GOLGA5: variants seen among roughly 807,000 people sequenced by gnomAD.
The protein encoded by GOLGA5 is golgin subfamily A member 5.
In GOLGA5, 50 loss-of-function variants were observed where a neutral mutation model predicts 93.5. The observed-to-expected ratio is 0.53, with a 90% CI of 0.43 to 0.68. The LOEUF is 0.68. Among genes scored for constraint, GOLGA5 ranks in the 30% least tolerant of loss-of-function variants. GOLGA5 has a pLI of 0.00. For missense variants in GOLGA5, 760 were observed against 856.4 expected, an observed-to-expected ratio of 0.89 and a Z score of 1.40; for synonymous variants, 312 against 304.5, an observed-to-expected ratio of 1.02 and a Z score of -0.26.
At chr14:92,831,209 T>C (rs1364205721) in intron 9 of GOLGA5, among the ~76,000 whole-genome samples, 3 of 152,204 alleles carry the variant, frequency 2.0e-5, no homozygotes, top group Non-Finnish European at 4.4e-5. Context: ...AACTGGCTGT[T>C]TCTGATAAGG....
intron 9 of GOLGA5, among the ~76,000 whole-genome samples, chr14:92,831,933 T>G (rs1266625719): frequency 6.6e-6 from 1 of 152,212 alleles, no homozygotes; most frequent in African/African-American, 2.4e-5. Flanking sequence ...ATTTAATAGC[T>G]TTCCCAAGAT....
chr14:92,827,294 A>G (rs762799080), intron 9 of GOLGA5, among the ~76,000 whole-genome samples: 8 of 152,222 alleles, frequency 5.3e-5, no homozygotes, highest in Non-Finnish European at 8.8e-5. Context: ...TTCCAACAGC[A>G]TATGCTCACT....
rs535886370 is a variant in GOLGA5 at position 92,839,874 on chromosome 14, T to C, written c.*428T>C. ...TCATATATTTAACTTTGCAAAAAGA[T>C]TTACTTTGTACATGTTACAGGCTTG... is the stretch of plus-strand genomic sequence containing the variant. On this transcript the variant is annotated 3_prime_UTR_variant, in exon 13 of 13. Coordinates refer to ENST00000163416, the MANE Select transcript of GOLGA5 (RefSeq NM_005113.4). 4 of 187,776 alleles carry C rather than the reference T, an allele frequency of 2.1e-5. No homozygotes were observed. In the East Asian group the frequency reaches 2.7e-4, roughly 13 times the overall value. 11.6% of individuals were successfully genotyped at this position (187,776 alleles called of 1,614,324 possible). A position where few individuals can be genotyped will look rare whatever the true frequency, so the allele number is the denominator to read the frequency against.
chr14:92,829,431 A>G (rs958968278), intron 9 of GOLGA5, among the ~76,000 whole-genome samples: 30 of 152,134 alleles, frequency 2.0e-4, no homozygotes, highest in African/African-American at 7.0e-4. Context: ...CAACATTAAC[A>G]GGAGTGTGGA....
At chr14:92,834,763 C>G (rs1885605111) in intron 10 of GOLGA5, among the ~76,000 whole-genome samples, 1 of 152,160 alleles carries the variant, frequency 6.6e-6, no homozygotes, top group Non-Finnish European at 1.5e-5. Context: ...TGACTTGCAC[C>G]TTAATAGGCT....
intron 9 of GOLGA5, among the ~76,000 whole-genome samples, chr14:92,829,656 C>T (rs554569106): frequency 6.6e-6 from 1 of 152,270 alleles, no homozygotes; most frequent in South Asian, 2.1e-4. Flanking sequence ...AGATGGAATC[C>T]ACTTTTGGTG....
intron 12 of GOLGA5, among the ~76,000 whole-genome samples, 168 bp from the exon 13 acceptor site, chr14:92,839,198 A>G (rs556908873): frequency 1.6e-4 from 25 of 152,194 alleles, no homozygotes; most frequent in Non-Finnish European, 2.8e-4. Context: ...GCAAGTCTTT[A>G]TTACCTTCCA....
chr14:92,800,231 A>C (rs929117442), intron 2 of GOLGA5, among the ~76,000 whole-genome samples: 3 of 152,250 alleles, frequency 2.0e-5, no homozygotes, highest in Admixed American at 1.3e-4. Flanking sequence ...TAAATGTAGC[A>C]ATTAAGTATG....
At position 92,811,838 on chromosome 14, in the gene GOLGA5, G is replaced by A. The variant is rs566671736; in HGVS notation, c.1320+84G>A. ...TTGAGACTGTGTAGATACTGTGTGA[G>A]GTGCTTTGTTCATGTTCGTCTGATT... On this transcript the variant is annotated intron_variant, in intron 6 of 12. Transcript: ENST00000163416. 114 of 975,030 alleles carry A rather than the reference G, an allele frequency of 1.2e-4. No individual in the cohort carries two copies. The African/African-American group carries it at 1.6e-3, about 14-fold the overall frequency. 60.4% of individuals were successfully genotyped at this position (975,030 alleles called of 1,614,324 possible).
chr14:92,819,875 T>A, intron 8 of GOLGA5, 39 bp downstream of exon 8: 1 of 1,605,480 alleles, frequency 6.2e-7, no homozygotes, highest in Non-Finnish European at 8.5e-7. Flanking sequence ...GACTCTGTCC[T>A]CTAGCGGTCA....
At chr14:92,795,186 C>T (rs1173944468) in intron 1 of GOLGA5, among the ~76,000 whole-genome samples, 3 of 152,172 alleles carry the variant, frequency 2.0e-5, no homozygotes, top group Non-Finnish European at 4.4e-5. Flanking sequence ...TGGTCCTCCC[C>T]GCTCGGCCTC....
intron 9 of GOLGA5, among the ~76,000 whole-genome samples, chr14:92,831,395 T>G (rs8019945): frequency 0.82 from 124,051 of 152,190 alleles, 51,228 homozygotes; most frequent in African/African-American, 0.94. Flanking sequence ...AAACCATTCG[T>G]CAAACTAACA....
intron 6 of GOLGA5, among the ~76,000 whole-genome samples, chr14:92,815,121 T>C (rs937617224): frequency 3.9e-5 from 6 of 152,186 alleles, no homozygotes; most frequent in African/African-American, 1.4e-4. Flanking sequence ...TATTAAAACA[T>C]TTTAGCCTGA....
chr14:92,811,860 G>C (rs749101406), intron 6 of GOLGA5, 106 bp downstream of exon 6: 5 of 814,300 alleles, frequency 6.1e-6, no homozygotes, highest in Non-Finnish European at 1.0e-5. Context: ...ATGTTCGTCT[G>C]ATTGGCTAGC....
intron 2 of GOLGA5, among the ~76,000 whole-genome samples, chr14:92,798,404 T>G (rs1884785889): frequency 6.6e-6 from 1 of 152,052 alleles, no homozygotes; most frequent in Non-Finnish European, 1.5e-5. Context: ...TTTTGTGTGT[T>G]TTTCCCCCCA....
chr14:92,817,026 C>T (rs1210727440), intron 7 of GOLGA5, among the ~76,000 whole-genome samples: 1 of 151,952 alleles, frequency 6.6e-6, no homozygotes, highest in African/African-American at 2.4e-5. Flanking sequence ...ACCTCCACTC[C>T]ACCTGCCAGG....
At position 92,797,562 on chromosome 14, in the gene GOLGA5, A is replaced by G. The variant is rs1241726709; in HGVS notation, c.125A>G (p.Tyr42Cys). The G allele has an allele frequency of 1.2e-6, 2 of 1,613,324 alleles. No homozygotes were observed. The highest frequency in any genetic ancestry group is 1.7e-6 in the Non-Finnish European group (2 of 1,179,384). ...ASNIYSKNTD[Y>C]TELHQQNTDL... Reference sequence around the variant, plus strand: ...AACATATATAGCAAAAATACTGACTATACTGAACTTCACCAGCAAAATACA... The same window carrying G: ...AACATATATAGCAAAAATACTGACTGTACTGAACTTCACCAGCAAAATACA... Residue 42 changes from tyrosine to cysteine, a missense_variant, in exon 2 of 13, where the codon TAT becomes TGT. Physicochemically the swap from Tyr to Cys is radical, Grantham distance 194. Coordinates refer to ENST00000163416, the MANE Select transcript of GOLGA5 (RefSeq NM_005113.4).
intron 4 of GOLGA5, 76 bp from the exon 5 acceptor site, chr14:92,810,178 C>A: frequency 1.0e-6 from 1 of 991,406 alleles, no homozygotes; most frequent in Non-Finnish European, 1.5e-6. Flanking sequence ...CTAAAGCTGA[C>A]GCTCTAAAAA....
intron 2 of GOLGA5, among the ~76,000 whole-genome samples, chr14:92,801,558 C>T (rs982254365): frequency 6.6e-6 from 1 of 151,896 alleles, no homozygotes; most frequent in Non-Finnish European, 1.5e-5. Context: ...TCCAGTTTTA[C>T]CTTGGTTTTT....
Sources: allele counts gnomAD v4.1 joint callset (sites outside exome capture counted in the v4.1 genomes callset), GRCh38; gene constraint gnomAD v4.1.1; transcripts MANE v1.5; gene names NCBI Gene and HGNC (gene_info 2026-07-23, HGNC 2026-07-21).